Variants in MAN2A1 observed in about 807,000 individuals in gnomAD.
MAN2A1 encodes the protein mannosidase alpha class 2A member 1.
A neutral mutation model predicts 142.6 loss-of-function variants in MAN2A1; 76 were observed. The observed-to-expected ratio is 0.53, with a 90% CI of 0.44 to 0.65. The LOEUF is 0.65. Among genes scored for constraint, MAN2A1 ranks in the 30% least tolerant of loss-of-function variants. The pLI is 0.00. For synonymous variants in MAN2A1, 559 were observed against 473.2 expected (o/e 1.18, Z -2.35); for missense variants, 1,311 against 1,365.1 (o/e 0.96, Z 0.62).
chr5:109,819,121 G>C (rs1200412832), intron 13 of MAN2A1, among the ~76,000 whole-genome samples: 2 of 152,110 alleles, frequency 1.3e-5, no homozygotes, highest in East Asian at 3.8e-4. Context: ...TTTCAGTATA[G>C]TATATAATAA....
chr5:109,753,141 A>G (rs1379200906), intron 4 of MAN2A1, among the ~76,000 whole-genome samples: 1 of 152,096 alleles, frequency 6.6e-6, no homozygotes, highest in Admixed American at 6.5e-5. Flanking sequence ...ATTTATTGAT[A>G]TATTGAAATA....
chr5:109,780,423 T>C (rs987069435), intron 8 of MAN2A1, among the ~76,000 whole-genome samples: 2 of 151,982 alleles, frequency 1.3e-5, no homozygotes, highest in Non-Finnish European at 2.9e-5. Context: ...AGTTATGTAA[T>C]ATGCTCAAAA....
chr5:109,814,956 A>G (rs1400351483), intron 12 of MAN2A1, among the ~76,000 whole-genome samples: 2 of 152,146 alleles, frequency 1.3e-5, no homozygotes, highest in African/African-American at 4.8e-5. Flanking sequence ...CAGGGCTACT[A>G]CAGAATTAGG....
intron 1 of MAN2A1, among the ~76,000 whole-genome samples, chr5:109,712,145 T>C (rs1179945281): frequency 6.6e-6 from 1 of 151,996 alleles, no homozygotes; most frequent in African/African-American, 2.4e-5. Context: ...TTCGGACTTC[T>C]GCCAATTCTG....
chr5:109,851,634 G>A (rs1311016390), intron 19 of MAN2A1, among the ~76,000 whole-genome samples: 1 of 152,102 alleles, frequency 6.6e-6, no homozygotes, highest in African/African-American at 2.4e-5. Flanking sequence ...TTCTTTTATA[G>A]ATAAATTATC....
At chr5:109,853,854 C>T (rs1755543404) in intron 19 of MAN2A1, 1 of 152,106 alleles carries the variant, frequency 6.6e-6, no homozygotes, top group African/African-American at 2.4e-5. Flanking sequence ...TCTTTTAATA[C>T]AATTCATTCA....
At chr5:109,712,280 T>A (rs1751323375) in intron 1 of MAN2A1, among the ~76,000 whole-genome samples, 1 of 152,124 alleles carries the variant, frequency 6.6e-6, no homozygotes, top group Non-Finnish European at 1.5e-5. Context: ...TGTTATATGG[T>A]CTTTCATATT....
chr5:109,744,112 A>G (rs1285036984), intron 4 of MAN2A1, among the ~76,000 whole-genome samples: 3 of 152,012 alleles, frequency 2.0e-5, no homozygotes, highest in African/African-American at 7.3e-5. Context: ...CATCTCTGAA[A>G]CCTTCCCTTA....
rs1752656160 is a variant in MAN2A1, at chr5:109,755,186, C to T, written c.708-143C>T. On this transcript the variant is annotated intron_variant, in intron 4 of 21. Coordinates refer to ENST00000261483, the MANE Select transcript of MAN2A1 (RefSeq NM_002372.4). ...TGAGGTCTTGAAGTTGAAATTCATT[C>T]ACTGGTTTAAACACATTTTTTGACA... is the stretch of plus-strand genomic sequence containing the variant. 5 of 621,194 alleles carry T rather than the reference C, an allele frequency of 8.0e-6. No individual in the cohort carries two copies. The East Asian group carries it at 1.4e-4, about 18-fold the overall frequency. 38.5% of individuals were successfully genotyped at this position (621,194 alleles called of 1,614,324 possible).
At chr5:109,866,672 T>TATATATGTATATTTAATAAC (rs909371672) in intron 21 of MAN2A1, among the ~76,000 whole-genome samples, 174 bp from the exon 22 acceptor site, 4 of 152,178 alleles carry the variant, frequency 2.6e-5, no homozygotes, top group African/African-American at 4.8e-5. Flanking sequence ...AAAGAGAACT[T>TATATATGTATATTTAATAAC]ATATATGTAT....
intron 3 of MAN2A1, 106 bp from the exon 4 acceptor site, chr5:109,729,234 CTA>C: frequency 1.6e-6 from 1 of 629,322 alleles, no homozygotes; most frequent in Non-Finnish European, 2.6e-6. Context: ...AAAAATATGT[CTA>C]TGAATGAAAA....
chr5:109,841,282 T>TAA (rs1755196784), intron 16 of MAN2A1, among the ~76,000 whole-genome samples: 2 of 152,330 alleles, frequency 1.3e-5, no homozygotes, highest in Non-Finnish European at 2.9e-5. Flanking sequence ...TGTAGTCTTT[T>TAA]ATCCCTCGCC....
intron 18 of MAN2A1, 94 bp from the exon 19 acceptor site, chr5:109,847,563 C>A (rs937136652): frequency 3.6e-6 from 4 of 1,112,986 alleles, no homozygotes; most frequent in African/African-American, 1.6e-5. Flanking sequence ...AAATTTAGAG[C>A]AATACATCAT....
intron 10 of MAN2A1, 74 bp from the exon 11 acceptor site, chr5:109,788,860 T>C: frequency 1.4e-6 from 1 of 703,592 alleles, no homozygotes. Context: ...GTTTGGCTAT[T>C]AGTAATGAAA....
intron 4 of MAN2A1, among the ~76,000 whole-genome samples, chr5:109,738,709 A>C (rs992089948): frequency 3.3e-5 from 5 of 152,230 alleles, no homozygotes; most frequent in Admixed American, 1.3e-4. Flanking sequence ...CATGCTTAGC[A>C]CAATGCCTGG....
At chr5:109,700,341 C>G (rs1481700953) in intron 1 of MAN2A1, among the ~76,000 whole-genome samples, 2 of 141,768 alleles carry the variant, frequency 1.4e-5, no homozygotes, top group African/African-American at 2.6e-5. Flanking sequence ...CATGCTTCTT[C>G]TAGAACTGAT....
At chr5:109,746,634 T>C (rs1752414835) in intron 4 of MAN2A1, among the ~76,000 whole-genome samples, 1 of 147,050 alleles carries the variant, frequency 6.8e-6, no homozygotes, top group African/African-American at 2.5e-5. Context: ...TAACATAAAA[T>C]TTACTATTTT....
intron 17 of MAN2A1, 118 bp from the exon 18 acceptor site, chr5:109,845,747 C>T: frequency 1.5e-6 from 1 of 665,742 alleles, no homozygotes; most frequent in Non-Finnish European, 2.4e-6. Context: ...ATTTCTTCCA[C>T]TGAATAAAAA....
At chr5:109,751,095 G>T (rs1305443415) in intron 4 of MAN2A1, among the ~76,000 whole-genome samples, 6 of 151,912 alleles carry the variant, frequency 3.9e-5, no homozygotes, top group African/African-American at 1.5e-4. Flanking sequence ...CTGCATGTTT[G>T]TACCCATTAA....
Sources: gnomAD v4.1 joint callset for allele counts (sites outside exome capture counted in the v4.1 genomes callset) on GRCh38, gnomAD v4.1.1 for gene constraint, MANE v1.5 for transcripts, NCBI Gene and HGNC (gene_info 2026-07-23, HGNC 2026-07-21) for gene names.